VEGFC: variants seen among roughly 807,000 people sequenced by gnomAD.
VEGFC encodes vascular endothelial growth factor C, also known as FLT4 ligand DHM.
VEGFC carries 12 observed loss-of-function variants against 46.1 expected under a neutral mutation model. That is an observed-to-expected ratio of 0.26 (90% CI 0.17 to 0.42). The LOEUF is 0.42. Ranked by LOEUF, VEGFC falls within the 10% of genes least tolerant of loss-of-function variation. VEGFC has a pLI of 1.00. For synonymous variants in VEGFC, 232 were observed against 195.5 expected (o/e 1.19, Z -1.56); for missense variants, 488 against 529.4 (o/e 0.92, Z 0.77).
intron 1 of VEGFC, among the ~76,000 whole-genome samples, chr4:176,754,058 G>T (rs1212044070): frequency 1.3e-5 from 2 of 151,998 alleles, no homozygotes; most frequent in Admixed American, 6.6e-5. Context: ...AAAGCAAAGA[G>T]AAATTAAAAG....
At chr4:176,694,816 T>C (rs2110976798) in intron 4 of VEGFC, among the ~76,000 whole-genome samples, 1 of 144,980 alleles carries the variant, frequency 6.9e-6, no homozygotes, top group African/African-American at 2.7e-5. Flanking sequence ...GAACTCAGGA[T>C]TAAGAATCTC....
At chr4:176,743,202 T>C (rs1735205093) in intron 1 of VEGFC, among the ~76,000 whole-genome samples, 1 of 152,030 alleles carries the variant, frequency 6.6e-6, no homozygotes, top group Admixed American at 6.6e-5. Context: ...TCTTGTGTCC[T>C]GTGATAGGCC....
In VEGFC at chr4:176,696,075, A is replaced by C. The variant is rs200540819; in HGVS notation, c.705-8148T>G. Among the ~76,000 whole-genome samples the C allele has an allele frequency of 2.3e-3, 340 of 149,494 alleles. 10 individuals carry two copies. The East Asian group carries it at 0.056, about 25-fold the overall frequency. On this transcript the variant is annotated intron_variant, in intron 4 of 6. Coordinates refer to ENST00000618562, the MANE Select transcript of VEGFC (RefSeq NM_005429.5). Reference sequence around the variant, plus strand: ...AGCATTCCCTTTGAAAACTGGCACAAGACAGGGATGCCCTCTCTCACCACT... The same window carrying C: ...AGCATTCCCTTTGAAAACTGGCACACGACAGGGATGCCCTCTCTCACCACT...
intron 4 of VEGFC, among the ~76,000 whole-genome samples, chr4:176,692,912 G>C (rs562765400): frequency 5.4e-4 from 80 of 147,726 alleles, no homozygotes; most frequent in Non-Finnish European, 8.5e-4. Flanking sequence ...CTGCAGCTGA[G>C]GGTCCTGTCT....
At chr4:176,725,234 T>G (rs1734854382) in intron 3 of VEGFC, among the ~76,000 whole-genome samples, 1 of 152,126 alleles carries the variant, frequency 6.6e-6, no homozygotes, top group Admixed American at 6.6e-5. Flanking sequence ...AAAAAAGATT[T>G]TTGTCTTATT....
chr4:176,725,245 T>G (rs1039477578), intron 3 of VEGFC, among the ~76,000 whole-genome samples: 3 of 152,210 alleles, frequency 2.0e-5, no homozygotes, highest in African/African-American at 7.2e-5. Flanking sequence ...TTGTCTTATT[T>G]TACAAGCAAT....
At position 176,792,162 on chromosome 4, in the gene VEGFC, T is replaced by C. The variant is rs1196292648; in HGVS notation, c.147+3A>G. 1.3e-6 allele frequency: 2 copies of C among 1,493,026 alleles called. No individual in the cohort carries two copies. The highest frequency in any genetic ancestry group is 1.8e-6 in the Non-Finnish European group (2 of 1,125,390). The allele number at this position is 1,493,026 out of a possible 1,614,324, so 92.5% of individuals were successfully genotyped here. A position where few individuals can be genotyped will look rare whatever the true frequency, so the allele number is the denominator to read the frequency against. On this transcript the variant is annotated splice_donor_region_variant and intron_variant, in intron 1 of 6. Coordinates refer to ENST00000618562, the MANE Select transcript of VEGFC (RefSeq NM_005429.5). This position sits in a 1 kb window ranked among gnomAD's most constrained non-coding sequence, Gnocchi z 6.3. ...TTCTCCGCAAACCCTAACGCAGACC[T>C]ACCGTGGCCTCGCCCGCGTCGGGCT...
chr4:176,740,085 CT>C (rs1735134640), intron 1 of VEGFC, among the ~76,000 whole-genome samples: 1 of 82,846 alleles, frequency 1.2e-5, no homozygotes, highest in Non-Finnish European at 2.5e-5. Flanking sequence ...ATTATATATT[CT>C]ATATATTCTA....
rs573260773 is a variant in VEGFC at position 176,756,732 on chromosome 4, A to G, written c.148-26986T>C. Among the ~76,000 whole-genome samples the G allele has an allele frequency of 5.3e-5, 8 of 152,216 alleles. No homozygotes were observed. The South Asian group carries it at 1.7e-3, about 32-fold the overall frequency. ...TAGAAATGATATTATCTCATTTACA[A>G]TGAAACACACCCTGATTTCAAGAAG... On this transcript the variant is annotated intron_variant, in intron 1 of 6. Coordinates refer to ENST00000618562, the MANE Select transcript of VEGFC (RefSeq NM_005429.5).
chr4:176,747,611 G>A (rs1735278798), intron 1 of VEGFC, among the ~76,000 whole-genome samples: 2 of 152,010 alleles, frequency 1.3e-5, no homozygotes, highest in African/African-American at 4.8e-5. Context: ...GGGCAATACA[G>A]CGAGACCCCC....
intron 4 of VEGFC, among the ~76,000 whole-genome samples, chr4:176,696,748 C>CA (rs1328152967): frequency 6.6e-6 from 1 of 152,132 alleles, no homozygotes; most frequent in African/African-American, 2.4e-5. Flanking sequence ...CACAAGGCTA[C>CA]AGTAACCAAA....
At position 176,729,699 on chromosome 4, in the gene VEGFC, A is replaced by G; in HGVS notation, c.195T>C (p.Ser65=). 6.2e-7 allele frequency: 1 copy of G among 1,612,518 alleles called. No homozygotes were observed. The highest frequency in any genetic ancestry group is 8.5e-7 in the Non-Finnish European group (1 of 1,179,364). ...AGAGTACAGTCATGAGTTCATCTAC[A>G]CTGGACACAGACCGTAACTGCTCCT... ...DLEEQLRSVS[S]VDELMTVLYP... The change falls in exon 2 of 7, where the codon AGT becomes AGC. Residue 65 remains serine, a synonymous_variant. Transcript: ENST00000618562.
chr4:176,733,725 A>G (rs971789729), intron 1 of VEGFC, among the ~76,000 whole-genome samples: 6 of 151,834 alleles, frequency 4.0e-5, no homozygotes, highest in African/African-American at 1.2e-4. Flanking sequence ...TAAACAGTAA[A>G]TTTCTCCATA....
chr4:176,686,028 T>C (rs1019692164), intron 6 of VEGFC, among the ~76,000 whole-genome samples: 3 of 152,194 alleles, frequency 2.0e-5, no homozygotes, highest in Non-Finnish European at 2.9e-5. Flanking sequence ...CAAGCTTTTT[T>C]CTGTTAAAAA....
At chr4:176,687,772 C>T in intron 5 of VEGFC, 49 bp downstream of exon 5, 1 of 1,330,384 alleles carries the variant, frequency 7.5e-7, no homozygotes, top group Non-Finnish European at 1.1e-6. Flanking sequence ...GTATGTTAAT[C>T]ACAATATAGA....
intron 3 of VEGFC, among the ~76,000 whole-genome samples, chr4:176,713,932 C>G (rs1734657209): frequency 6.6e-6 from 1 of 152,090 alleles, no homozygotes; most frequent in South Asian, 2.1e-4. Context: ...CAGGAGATAA[C>G]CAGCACCCGA....
intron 1 of VEGFC, among the ~76,000 whole-genome samples, chr4:176,789,161 A>G (rs931041123): frequency 2.0e-5 from 3 of 152,208 alleles, no homozygotes; most frequent in African/African-American, 4.8e-5. Context: ...GGTTGGACAC[A>G]TGGAGATAAC....
chr4:176,786,856 C>A (rs1028685576), intron 1 of VEGFC, among the ~76,000 whole-genome samples: 1 of 152,158 alleles, frequency 6.6e-6, no homozygotes, highest in Non-Finnish European at 1.5e-5. Flanking sequence ...CCTTTCCCTG[C>A]CTCTTCCAGG....
chr4:176,709,107 A>G (rs139307926), intron 4 of VEGFC, among the ~76,000 whole-genome samples: 157 of 152,308 alleles, frequency 1.0e-3, no homozygotes, highest in African/African-American at 3.6e-3. Context: ...TTATATGAAT[A>G]AGTAATGATG....
Sources: gnomAD v4.1 joint callset for allele counts (sites outside exome capture counted in the v4.1 genomes callset) on GRCh38, gnomAD v4.1.1 for gene constraint, Gnocchi (gnomAD v3.1) non-coding constraint, MANE v1.5 for transcripts, NCBI Gene and HGNC (gene_info 2026-07-23, HGNC 2026-07-21) for gene names.